FRMD5: variants seen among roughly 807,000 people sequenced by gnomAD.
The protein encoded by FRMD5 is FERM domain-containing protein 5.
A neutral mutation model predicts 69.0 loss-of-function variants in FRMD5; 20 were observed. The ratio of observed to expected loss-of-function variants is 0.29; its 90% CI spans 0.20 to 0.42. The LOEUF (loss-of-function observed/expected upper bound fraction) is 0.42. Ranked by LOEUF, FRMD5 falls within the 10% of genes least tolerant of loss-of-function variation. FRMD5 has a pLI of 1.00. For missense variants in FRMD5, 595 were observed against 708.6 expected (o/e 0.84, Z 1.82); for synonymous variants, 271 against 260.1 (o/e 1.04, Z -0.40).
intron 1 of FRMD5, among the ~76,000 whole-genome samples, chr15:44,082,600 G>A (rs1031546925): frequency 1.3e-5 from 2 of 151,878 alleles, no homozygotes; most frequent in Admixed American, 6.6e-5. Context: ...TAAAAAATCA[G>A]TTTCCACAAA....
At chr15:43,898,201 T>C (rs1434712089) in intron 7 of FRMD5, among the ~76,000 whole-genome samples, 1 of 152,132 alleles carries the variant, frequency 6.6e-6, no homozygotes, top group Non-Finnish European at 1.5e-5. Flanking sequence ...CCATGAATAA[T>C]AATTGAAAAA....
intron 1 of FRMD5, among the ~76,000 whole-genome samples, chr15:44,085,148 C>A (rs16959357): frequency 0.019 from 2,910 of 152,158 alleles, 88 homozygotes; most frequent in African/African-American, 0.067. Context: ...AAAAGGTGAA[C>A]AGGTATTCCA....
intron 1 of FRMD5, among the ~76,000 whole-genome samples, chr15:44,013,730 A>G (rs1233997364): frequency 6.6e-6 from 1 of 152,138 alleles, no homozygotes; most frequent in Non-Finnish European, 1.5e-5. Flanking sequence ...CATTAATTTC[A>G]TATTAAGTTT....
At chr15:44,016,287 G>T (rs1890952048) in intron 1 of FRMD5, among the ~76,000 whole-genome samples, 1 of 152,168 alleles carries the variant, frequency 6.6e-6, no homozygotes, top group Non-Finnish European at 1.5e-5. Context: ...TTATACCACT[G>T]AAGTGTTTTA....
At chr15:44,071,599 G>A (rs1893543405) in intron 1 of FRMD5, among the ~76,000 whole-genome samples, 1 of 152,052 alleles carries the variant, frequency 6.6e-6, no homozygotes, top group African/African-American at 2.4e-5. Flanking sequence ...ATAAACTTGG[G>A]GTCTCTTCCC....
At chr15:44,071,948 C>T (rs996228439) in intron 1 of FRMD5, among the ~76,000 whole-genome samples, 9 of 152,188 alleles carry the variant, frequency 5.9e-5, no homozygotes, top group African/African-American at 1.9e-4. Flanking sequence ...TCACTGCAAC[C>T]TCTGCCTCCT....
chr15:43,999,965 T>TATATGCCATGC (rs1555392748), intron 1 of FRMD5, among the ~76,000 whole-genome samples: 4 of 75,434 alleles, frequency 5.3e-5, no homozygotes, highest in East Asian at 3.6e-4. Context: ...TATATATATA[T>TATATGCCATGC]ATATATATAT....
At chr15:44,147,927 T>C (rs1417497561) in intron 1 of FRMD5, among the ~76,000 whole-genome samples, 1 of 152,192 alleles carries the variant, frequency 6.6e-6, no homozygotes, top group Admixed American at 6.5e-5. Flanking sequence ...AAAAAAGACT[T>C]TGTCCTTCAA....
intron 1 of FRMD5, among the ~76,000 whole-genome samples, chr15:44,148,333 G>A (rs575812370): frequency 3.3e-5 from 5 of 151,836 alleles, no homozygotes; most frequent in South Asian, 4.2e-4. Flanking sequence ...GTGCAGGGGC[G>A]CAATCTAGGC....
At chr15:44,003,960 T>G (rs1192022234) in intron 1 of FRMD5, among the ~76,000 whole-genome samples, 1 of 152,236 alleles carries the variant, frequency 6.6e-6, no homozygotes, top group Non-Finnish European at 1.5e-5. Flanking sequence ...CAGCAAGCTG[T>G]AGACACTCAA....
chr15:43,926,198 T>C (rs912258157), intron 1 of FRMD5, among the ~76,000 whole-genome samples: 2 of 152,242 alleles, frequency 1.3e-5, no homozygotes, highest in African/African-American at 2.4e-5. Flanking sequence ...GAGACCTGCC[T>C]GGATGCCAAG....
At chr15:43,983,004 C>T (rs566207517) in intron 1 of FRMD5, among the ~76,000 whole-genome samples, 1 of 152,300 alleles carries the variant, frequency 6.6e-6, no homozygotes, top group African/African-American at 2.4e-5. Context: ...GATCTTGGCT[C>T]ACTGCAACCT....
At chr15:43,900,820 T>C (rs2140395991) in intron 7 of FRMD5, among the ~76,000 whole-genome samples, 1 of 152,250 alleles carries the variant, frequency 6.6e-6, no homozygotes, top group South Asian at 2.1e-4. Flanking sequence ...GGTTTCATCA[T>C]GTTGTCCAGG....
At chr15:43,938,933 C>A (rs1002958427) in intron 1 of FRMD5, among the ~76,000 whole-genome samples, 1 of 152,140 alleles carries the variant, frequency 6.6e-6, no homozygotes, top group African/African-American at 2.4e-5. Flanking sequence ...ACGATCTTGA[C>A]TCAGTGCAAC....
intron 1 of FRMD5, among the ~76,000 whole-genome samples, chr15:44,052,283 T>C (rs2140350641): frequency 6.6e-6 from 1 of 152,334 alleles, no homozygotes; most frequent in Middle Eastern, 3.4e-3. Flanking sequence ...GCATTGACCA[T>C]TGGGAGCTCT....
At chr15:44,182,835 G>A (rs907023112) in intron 1 of FRMD5, among the ~76,000 whole-genome samples, 4 of 151,720 alleles carry the variant, frequency 2.6e-5, no homozygotes, top group Non-Finnish European at 4.4e-5. Context: ...TCGCTCTGTC[G>A]CCCAGGCTAG....
chr15:44,059,373 C>T (rs1039106178), intron 1 of FRMD5, among the ~76,000 whole-genome samples: 3 of 152,146 alleles, frequency 2.0e-5, no homozygotes, highest in African/African-American at 7.2e-5. Context: ...GTAAAGAAAG[C>T]CTTCATAGAA....
At chr15:44,106,839 T>C (rs1277778372) in intron 1 of FRMD5, among the ~76,000 whole-genome samples, 2 of 152,224 alleles carry the variant, frequency 1.3e-5, no homozygotes, top group African/African-American at 2.4e-5. Flanking sequence ...GCTGATGAAA[T>C]ACATTAGCCA....
At chr15:43,889,811 A>T (rs1467172346) in intron 8 of FRMD5, among the ~76,000 whole-genome samples, 1 of 152,090 alleles carries the variant, frequency 6.6e-6, no homozygotes, top group East Asian at 1.9e-4. Context: ...ATGTCACTGG[A>T]GGCCCCATTT....
Sources: allele counts gnomAD v4.1 joint callset (sites outside exome capture counted in the v4.1 genomes callset), GRCh38; gene constraint gnomAD v4.1.1; transcripts MANE v1.5; gene names NCBI Gene and HGNC (gene_info 2026-07-23, HGNC 2026-07-21).